Variants in KCTD19 observed in about 807,000 individuals in gnomAD.
KCTD19 encodes the protein potassium channel tetramerization domain containing 19, also known as BTB/POZ domain-containing protein KCTD19.
A neutral mutation model predicts 103.5 loss-of-function variants in KCTD19; 67 were observed. The observed-to-expected ratio is 0.65, with a 90% CI of 0.53 to 0.79. The LOEUF (loss-of-function observed/expected upper bound fraction) is 0.79. Among genes scored for constraint, KCTD19 ranks in the 30% least tolerant of loss-of-function variants. The pLI, the probability that KCTD19 is intolerant of heterozygous loss-of-function variation, is 0.00. For synonymous variants in KCTD19, 439 were observed against 452.2 expected (o/e 0.97, Z 0.37); for missense variants, 980 against 1,136.1 (o/e 0.86, Z 1.98).
rs570644111 is a variant in KCTD19, at chr16:67,293,777, G to C, written c.1985C>G (p.Pro662Arg). 6.2e-7 allele frequency: 1 copy of C among 1,613,856 alleles called. No individual in the cohort carries two copies. The highest frequency in any genetic ancestry group is 1.7e-5 in the Admixed American group (1 of 60,028). Residue 662 changes from proline (P) to arginine (R), a missense_variant, in exon 12 of 16, where the codon CCC (proline) becomes CGC (arginine). Coordinates refer to ENST00000304372, the MANE Select transcript of KCTD19 (RefSeq NM_001100915.3). The surrounding 1 kb of genome is among the most constrained non-coding windows in gnomAD (Gnocchi z 4.0). Reference sequence around the variant, plus strand: ...GAGCTGCAGGGTGGCCTCCTCCAAGGGGCTGCTCCGTGTGGCTGTCAGTGG... The same window carrying C: ...GAGCTGCAGGGTGGCCTCCTCCAAGCGGCTGCTCCGTGTGGCTGTCAGTGG... Reference protein sequence around the residue: ...FQPLTATRSSPLEEATLQLPL... With the variant: ...FQPLTATRSSRLEEATLQLPL...
chr16:67,290,247 G>A (rs1352443963), intron 15 of KCTD19, among the ~76,000 whole-genome samples: 3 of 143,660 alleles, frequency 2.1e-5, no homozygotes, highest in Non-Finnish European at 4.5e-5. Context: ...GCACGATCTC[G>A]GCTCACTACA....
Position 67,289,670 on chromosome 16 carries a change from A to G in KCTD19, c.2680T>C (p.Phe894Leu). Residue 894 changes from phenylalanine to leucine, a missense_variant, in exon 16 of 16, where the codon TTC (phenylalanine) becomes CTC (leucine). By Grantham distance (22) the Phe-to-Leu change is conservative. Transcript: ENST00000304372. ...LYSWVELTLPFARKYGRCMDL... is the reference protein window; with the variant it reads ...LYSWVELTLPLARKYGRCMDL... ...ATGCATCGGCCATATTTCCTGGCGA[A>G]GGGCAGTGTAAGCTGGAAGGAAAGG... 1 of 1,613,554 alleles carries G rather than the reference A, an allele frequency of 6.2e-7. No homozygotes were observed. The highest frequency in any genetic ancestry group is 1.1e-5 in the South Asian group (1 of 91,062).
chr16:67,304,868 A>G (rs1022662292), intron 2 of KCTD19, among the ~76,000 whole-genome samples: 4 of 151,990 alleles, frequency 2.6e-5, no homozygotes, highest in African/African-American at 9.7e-5. Context: ...GAGTTTCACC[A>G]TGTTGGCCAG....
chr16:67,295,520 C>T, intron 8 of KCTD19, 115 bp from the exon 9 acceptor site: 16 of 991,100 alleles, frequency 1.6e-5, no homozygotes, highest in Non-Finnish European at 2.2e-5. Flanking sequence ...CTTTGAGATT[C>T]CATTTCCCTG....
rs1181535388 is a variant in KCTD19 at position 67,303,311 on chromosome 16, G to T, written c.478C>A (p.Leu160Ile). Residue 160 changes from leucine (L) to isoleucine (I), a missense_variant, in exon 4 of 16, where the codon CTC becomes ATC. Leu to Ile is a conservative substitution (Grantham distance 5). Coordinates refer to ENST00000304372, the MANE Select transcript of KCTD19 (RefSeq NM_001100915.3). This position sits in a 1 kb window ranked among gnomAD's most constrained non-coding sequence, Gnocchi z 4.3. ...TGLHDKAPLG[L>I]MDTPLLDTEE... ...GTGTCTAACAGGGGTGTGTCCATGAGCCCCAGAGGTGCCTTATCATGTAGG... is the reference window on the plus strand; with the variant it reads ...GTGTCTAACAGGGGTGTGTCCATGATCCCCAGAGGTGCCTTATCATGTAGG... The T allele has an allele frequency of 6.2e-7, 1 of 1,613,050 alleles. No individual in the cohort carries two copies. The highest frequency in any genetic ancestry group is 2.2e-5 in the East Asian group (1 of 44,868).
chr16:67,299,245 G>A, intron 6 of KCTD19, 118 bp downstream of exon 6: 2 of 898,536 alleles, frequency 2.2e-6, no homozygotes, highest in East Asian at 2.6e-5. Flanking sequence ...CTAAAATGAT[G>A]GGCTGGCCCC....
intron 6 of KCTD19, 115 bp from the exon 7 acceptor site, chr16:67,297,778 A>G: frequency 1.1e-6 from 1 of 921,340 alleles, no homozygotes; most frequent in African/African-American, 1.7e-5. Flanking sequence ...TAAATCAGGC[A>G]TCATTAACAT....
intron 2 of KCTD19, among the ~76,000 whole-genome samples, chr16:67,317,543 C>T (rs1299364952): frequency 6.6e-6 from 1 of 151,020 alleles, no homozygotes; most frequent in Non-Finnish European, 1.5e-5. Flanking sequence ...AAGTATAAAA[C>T]AACAGATTTT....
intron 8 of KCTD19, 191 bp downstream of exon 8, chr16:67,295,968 C>G: frequency 1.8e-6 from 1 of 558,606 alleles, no homozygotes; most frequent in Non-Finnish European, 3.3e-6. Flanking sequence ...TGGTCTTGAA[C>G]TCCTGATCTC....
chr16:67,305,551 C>T, intron 2 of KCTD19: 2 of 453,834 alleles, frequency 4.4e-6, no homozygotes, highest in Non-Finnish European at 8.8e-6. Context: ...CTAGGCAAGC[C>T]TGAAGCCCAG....
rs149918765 is a variant in KCTD19 at position 67,323,818 on chromosome 16, C to G, written c.3+2887G>C. On this transcript the variant is annotated intron_variant, in intron 1 of 15. Transcript: ENST00000304372. This position sits in a 1 kb window ranked among gnomAD's most constrained non-coding sequence, Gnocchi z 4.1. ...TGATAGTTGCACAACTCTGAACATACTAAAACTCACTGAATTGTACACATT... is the reference window on the plus strand; with the variant it reads ...TGATAGTTGCACAACTCTGAACATAGTAAAACTCACTGAATTGTACACATT... 2.9e-3 allele frequency among the ~76,000 whole-genome samples: 441 copies of G among 151,544 alleles called. 1 individual carries two copies. Among genetic ancestry groups the G allele is most frequent in the African/African-American group, 0.01 (424 of 41,258 alleles).
At chr16:67,298,846 G>A (rs2036799250) in intron 6 of KCTD19, among the ~76,000 whole-genome samples, 1 of 152,218 alleles carries the variant, frequency 6.6e-6, no homozygotes, top group Non-Finnish European at 1.5e-5. Flanking sequence ...CCTTGCCCCT[G>A]CACTAATGAG....
intron 7 of KCTD19, 60 bp downstream of exon 7, chr16:67,297,443 C>A: frequency 6.6e-7 from 1 of 1,523,374 alleles, no homozygotes; most frequent in South Asian, 1.2e-5. Context: ...CATCTATTCC[C>A]TCCAATCTCC....
intron 2 of KCTD19, among the ~76,000 whole-genome samples, chr16:67,316,438 A>G (rs2037014404): frequency 6.6e-6 from 1 of 152,196 alleles, no homozygotes; most frequent in Admixed American, 6.6e-5. Flanking sequence ...TTAAAAGACA[A>G]GCAGATTCGA....
chr16:67,289,550 G>T lies in KCTD19; in HGVS notation c.*19C>A. On this transcript the variant is annotated 3_prime_UTR_variant, in exon 16 of 16. Coordinates refer to ENST00000304372, the MANE Select transcript of KCTD19 (RefSeq NM_001100915.3). ...GAGACTTGGCGGGTGGGGCATGAGG[G>T]GCTGCATCTCTGGGCACCCTAGTCC... 1 of 1,488,126 alleles carries T rather than the reference G, an allele frequency of 6.7e-7. No homozygotes were observed. Among genetic ancestry groups the T allele is most frequent in the Non-Finnish European group, 9.4e-7 (1 of 1,065,704 alleles). The allele number at this position is 1,488,126 out of a possible 1,614,324, so 92.2% of individuals were successfully genotyped here.
Position 67,308,657 on chromosome 16 carries a change from A to AGGGCTCAGAGAT in KCTD19, c.301-4087_301-4086insATCTCTGAGCCC, listed in dbSNP as rs2036919051. On this transcript the variant is annotated intron_variant, in intron 2 of 15. Coordinates refer to ENST00000304372, the MANE Select transcript of KCTD19 (RefSeq NM_001100915.3). ...GAAGAGCCTGGAGCCTCTCTGAGCC[A>AGGGCTCAGAGAT]GAATGGGTCATCCCCCCACTTTGTT... is the stretch of plus-strand genomic sequence containing the variant. 4.0e-5 allele frequency among the ~76,000 whole-genome samples: 6 copies of AGGGCTCAGAGAT among 149,044 alleles called. No homozygotes were observed. In the South Asian group the frequency reaches 1.3e-3, roughly 31 times the overall value.
At position 67,289,489 on chromosome 16, in the gene KCTD19, TG is replaced by T; in HGVS notation, c.*79del. ...AAATAGACTGATATGTACCCTCTGA[TG>T]GGCACATGCATTCTGGGCTATCTCC... On this transcript the variant is annotated 3_prime_UTR_variant, in exon 16 of 16. Transcript: ENST00000304372. 1.3e-6 allele frequency: 1 copy of T among 797,946 alleles called. No homozygotes were observed. Among genetic ancestry groups the T allele is most frequent in the Non-Finnish European group, 2.2e-6 (1 of 452,438 alleles). The allele number at this position is 797,946 out of a possible 1,614,324, so 49.4% of individuals were successfully genotyped here.
chr16:67,297,623 T>TG lies in KCTD19; in HGVS notation c.1026dup (p.Ile343HisfsTer6), dbSNP rs2036780461. On this transcript the variant is annotated frameshift_variant, in exon 7 of 16. Coordinates refer to ENST00000304372, the MANE Select transcript of KCTD19 (RefSeq NM_001100915.3). LOFTEE classifies it high-confidence loss of function. ...GCACAGAGCTCATATACCTCGGAAA[T>TG]GGTCTCTGTCAGGGGCAGCCGGCAA... The TG allele has an allele frequency of 6.2e-7, 1 of 1,613,886 alleles. No homozygotes were observed. The highest frequency in any genetic ancestry group is 8.5e-7 in the Non-Finnish European group (1 of 1,180,006).
chr16:67,318,293 G>A (rs1377250968), intron 2 of KCTD19, among the ~76,000 whole-genome samples: 1 of 152,182 alleles, frequency 6.6e-6, no homozygotes, highest in Non-Finnish European at 1.5e-5. Flanking sequence ...TGGGCGCGGT[G>A]GCTCATGCCT....
Sources: gnomAD v4.1 joint callset for allele counts (sites outside exome capture counted in the v4.1 genomes callset) on GRCh38, gnomAD v4.1.1 for gene constraint, Gnocchi (gnomAD v3.1) non-coding constraint, MANE v1.5 for transcripts, NCBI Gene and HGNC (gene_info 2026-07-23, HGNC 2026-07-21) for gene names.